Variants in NETO1 observed in about 807,000 individuals in gnomAD.
NETO1 encodes neuropilin and tolloid like 1.
NETO1 carries 26 observed loss-of-function variants against 61.3 expected under a neutral mutation model. That is an observed-to-expected ratio of 0.42 (90% CI 0.31 to 0.59). The LOEUF (loss-of-function observed/expected upper bound fraction) is 0.59, where lower values mean the gene tolerates loss of function less well. Ranked by LOEUF, NETO1 falls within the 20% of genes least tolerant of loss-of-function variation. NETO1 has a pLI of 0.12. For synonymous variants in NETO1, 225 were observed against 225.8 expected (o/e 1.00, Z 0.03); for missense variants, 531 against 662.8 (o/e 0.80, Z 2.18).
intron 6 of NETO1, among the ~76,000 whole-genome samples, chr18:72,792,895 G>A (rs1432322857): frequency 1.3e-5 from 2 of 151,944 alleles, no homozygotes; most frequent in Admixed American, 6.6e-5. Flanking sequence ...TGTCTGGAGA[G>A]CCTTGTCAAC....
rs1032506285 is a variant in NETO1 at position 72,830,149 on chromosome 18, C to T, written c.469+28677G>A. On this transcript the variant is annotated intron_variant, in intron 4 of 10. Transcript: ENST00000327305. This position sits in a 1 kb window ranked among gnomAD's most constrained non-coding sequence, Gnocchi z 4.9. The stretch of plus-strand genomic sequence containing the variant: ...ACTATAAAACCTATGGCTTTATCAT[C>T]ATAGAGGATCATGCATGTAAGCCGT... Among the ~76,000 whole-genome samples, 10 of 152,088 alleles carry T rather than the reference C, an allele frequency of 6.6e-5. No homozygotes were observed. Among genetic ancestry groups the T allele is most frequent in the African/African-American group, 2.4e-4 (10 of 41,408 alleles).
intron 4 of NETO1, among the ~76,000 whole-genome samples, chr18:72,849,890 A>G (rs1275590190): frequency 6.6e-6 from 1 of 152,136 alleles, no homozygotes; most frequent in African/African-American, 2.4e-5. Flanking sequence ...CACTTCATCC[A>G]TCTTCAAAGC....
intron 7 of NETO1, among the ~76,000 whole-genome samples, chr18:72,764,826 G>A (rs2071098300): frequency 6.6e-6 from 1 of 152,144 alleles, no homozygotes; most frequent in Non-Finnish European, 1.5e-5. Context: ...CCCCTCAGGT[G>A]TTCAGGCGAA....
intron 4 of NETO1, among the ~76,000 whole-genome samples, chr18:72,833,436 C>T (rs2073643625): frequency 6.6e-6 from 1 of 152,150 alleles, no homozygotes; most frequent in African/African-American, 2.4e-5. Flanking sequence ...ACTTTAATGT[C>T]ACATTTCCCA....
chr18:72,788,668 G>A (rs919309172), intron 6 of NETO1, among the ~76,000 whole-genome samples: 1 of 152,020 alleles, frequency 6.6e-6, no homozygotes, highest in African/African-American at 2.4e-5. Flanking sequence ...CAATCATAAA[G>A]AGTTGGAGCT....
intron 7 of NETO1, among the ~76,000 whole-genome samples, chr18:72,766,236 G>C (rs1481040807): frequency 6.7e-6 from 1 of 149,608 alleles, no homozygotes; most frequent in African/African-American, 2.5e-5. Flanking sequence ...GTGTGTGTGT[G>C]TGTGTGTGTG....
chr18:72,794,436 A>G, intron 4 of NETO1, 32 bp from the exon 5 acceptor site: 1 of 1,586,144 alleles, frequency 6.3e-7, no homozygotes, highest in Non-Finnish European at 8.6e-7. Context: ...AATTAGTCCC[A>G]TTCTACATTT....
At chr18:72,821,308 C>T (rs996320626) in intron 4 of NETO1, among the ~76,000 whole-genome samples, 3 of 146,074 alleles carry the variant, frequency 2.1e-5, no homozygotes, top group African/African-American at 5.1e-5. Flanking sequence ...ATTGGGAGGA[C>T]GAGGTGGGCG....
At chr18:72,857,081 G>A (rs912141978) in intron 4 of NETO1, among the ~76,000 whole-genome samples, 7 of 152,184 alleles carry the variant, frequency 4.6e-5, no homozygotes, top group African/African-American at 1.7e-4. Context: ...AACTTTTGCT[G>A]TCATGTAAGT....
In NETO1 at chr18:72,862,308, T is replaced by C. The variant is rs1468242651; in HGVS notation, c.220+2500A>G. On this transcript the variant is annotated intron_variant, in intron 3 of 10. Coordinates refer to ENST00000327305, the MANE Select transcript of NETO1 (RefSeq NM_138966.5). Reference sequence around the variant, plus strand: ...GAAAAATAGTGCTCCAAATATTCTCTTGGATAATTTTATTCATACTAACAA... The same window carrying C: ...GAAAAATAGTGCTCCAAATATTCTCCTGGATAATTTTATTCATACTAACAA... Among the ~76,000 whole-genome samples, 4 of 152,300 alleles carry C rather than the reference T, an allele frequency of 2.6e-5. No individual in the cohort carries two copies. The East Asian group carries it at 5.8e-4, about 22-fold the overall frequency.
At chr18:72,855,124 T>C (rs1006566891) in intron 4 of NETO1, among the ~76,000 whole-genome samples, 1 of 152,224 alleles carries the variant, frequency 6.6e-6, no homozygotes, top group African/African-American at 2.4e-5. Flanking sequence ...AAATATTCCA[T>C]GGCGTAACTT....
chr18:72,801,725 A>T (rs1049641972), intron 4 of NETO1, among the ~76,000 whole-genome samples: 2 of 152,182 alleles, frequency 1.3e-5, no homozygotes, highest in African/African-American at 4.8e-5. Context: ...TATTTTGTAA[A>T]TCTATTTACT....
At chr18:72,764,922 A>C (rs2071103309) in intron 7 of NETO1, among the ~76,000 whole-genome samples, 1 of 152,032 alleles carries the variant, frequency 6.6e-6, no homozygotes, top group Non-Finnish European at 1.5e-5. Context: ...CTCAATACAA[A>C]GCTCTTGTTG....
intron 6 of NETO1, among the ~76,000 whole-genome samples, chr18:72,786,577 T>A (rs1287905326): frequency 6.6e-6 from 1 of 152,192 alleles, no homozygotes; most frequent in African/African-American, 2.4e-5. Flanking sequence ...GAGAGACATA[T>A]GCCCCAACGA....
Position 72,808,357 on chromosome 18 carries a change from G to T in NETO1, c.470-13953C>A, listed in dbSNP as rs1428642815. 4.6e-5 allele frequency among the ~76,000 whole-genome samples: 7 copies of T among 152,036 alleles called. No homozygotes were observed. The East Asian group carries it at 1.4e-3, about 29-fold the overall frequency. On this transcript the variant is annotated intron_variant, in intron 4 of 10. Transcript: ENST00000327305. ...CAGGCTTACAAGCGTGACATAGGTT[G>T]CAGAGGAGGAAAATGCTGTCTCTGC...
At chr18:72,769,208 C>A (rs545668125) in intron 7 of NETO1, among the ~76,000 whole-genome samples, 1 of 152,154 alleles carries the variant, frequency 6.6e-6, no homozygotes, top group South Asian at 2.1e-4. Flanking sequence ...AAAGTGAATT[C>A]AAGGGTGTAC....
chr18:72,834,065 G>T, intron 4 of NETO1: 1 of 922,052 alleles, frequency 1.1e-6, no homozygotes. Flanking sequence ...ATTATTTAAA[G>T]AAAGGCTTAG....
chr18:72,776,026 T>G (rs2071534780), intron 7 of NETO1, among the ~76,000 whole-genome samples: 5 of 152,158 alleles, frequency 3.3e-5, no homozygotes, highest in Admixed American at 3.3e-4. Flanking sequence ...AAAGGCATAC[T>G]GGGGTAGTTT....
In NETO1 at chr18:72,847,917, T is replaced by A. The variant is rs144709596; in HGVS notation, c.469+10909A>T. 1.1e-4 allele frequency among the ~76,000 whole-genome samples: 17 copies of A among 152,334 alleles called. No individual in the cohort carries two copies. The East Asian group carries it at 3.1e-3, about 28-fold the overall frequency. On this transcript the variant is annotated intron_variant, in intron 4 of 10. Coordinates refer to ENST00000327305, the MANE Select transcript of NETO1 (RefSeq NM_138966.5). The stretch of plus-strand genomic sequence containing the variant: ...GTTTTAGCAGAGCTGTGTTCCTTAC[T>A]ACAGGCCCTAGGGGAGAATGTTTCC...
Sources: allele counts gnomAD v4.1 joint callset (sites outside exome capture counted in the v4.1 genomes callset), GRCh38; gene constraint gnomAD v4.1.1; non-coding constraint Gnocchi (gnomAD v3.1); transcripts MANE v1.5; gene names NCBI Gene and HGNC (gene_info 2026-07-23, HGNC 2026-07-21).